The following C1QA variants were observed in gnomAD, a reference collection of about 807,000 sequenced individuals.
C1QA encodes the protein complement C1q subcomponent subunit A.
C1QA carries 3 observed loss-of-function variants against 6.9 expected under a neutral mutation model. That is an observed-to-expected ratio of 0.44 (90% CI 0.20 to 1.12). The LOEUF (loss-of-function observed/expected upper bound fraction) is 1.12. Among genes scored for constraint, C1QA ranks in the 50% most tolerant of loss-of-function variants. The probability of loss-of-function intolerance (pLI) is 0.27; values close to 1 mark genes in which losing one functional copy is unlikely to be tolerated. For missense variants in C1QA, 273 were observed against 326.6 expected (o/e 0.84, Z 1.26); for synonymous variants, 128 against 134.1 (o/e 0.95, Z 0.31).
In C1QA at chr1:22,639,468, G is replaced by T; in HGVS notation, c.*61G>T. On this transcript the variant is annotated 3_prime_UTR_variant, in exon 3 of 3. Transcript: ENST00000374642. This position sits in a 1 kb window ranked among gnomAD's most constrained non-coding sequence, Gnocchi z 4.6. The stretch of plus-strand genomic sequence containing the variant: ...GGCTTCCATGCTCCGCCTGTAAAAT[G>T]GGGGCGCTATTGCTTCAGCTGCTGA... The T allele has an allele frequency of 6.3e-7, 1 of 1,583,070 alleles. No individual in the cohort carries two copies.
In C1QA at chr1:22,637,868, G is replaced by A; in HGVS notation, c.163+89G>A. The A allele has an allele frequency of 1.2e-5, 17 of 1,430,090 alleles. No individual in the cohort carries two copies. Among genetic ancestry groups the A allele is most frequent in the African/African-American group, 1.4e-5 (1 of 70,736 alleles). 88.6% of individuals were successfully genotyped at this position (1,430,090 alleles called of 1,614,324 possible). On this transcript the variant is annotated intron_variant, in intron 2 of 2. Transcript: ENST00000374642. The surrounding 1 kb of genome is among the most constrained non-coding windows in gnomAD (Gnocchi z 4.4). ...GGCTTGGGGTGGCACTGAGAATCAG[G>A]AGTCCGTCTGCCCCCAGTGCCCCAT...
chr1:22,639,486 G>A lies in C1QA; in HGVS notation c.*79G>A. ...GTAAAATGGGGGCGCTATTGCTTCA[G>A]CTGCTGAAGGGAGGGGGCTGGCTCT... On this transcript the variant is annotated 3_prime_UTR_variant, in exon 3 of 3. Coordinates refer to ENST00000374642, the MANE Select transcript of C1QA (RefSeq NM_015991.4). This position sits in a 1 kb window ranked among gnomAD's most constrained non-coding sequence, Gnocchi z 4.6. 6.6e-7 allele frequency: 1 copy of A among 1,525,612 alleles called. No homozygotes were observed. Among genetic ancestry groups the A allele is most frequent in the Non-Finnish European group, 8.9e-7 (1 of 1,122,222 alleles). The allele number at this position is 1,525,612 out of a possible 1,614,324, so 94.5% of individuals were successfully genotyped here. A position where few individuals can be genotyped will look rare whatever the true frequency, so the allele number is the denominator to read the frequency against.
intron 2 of C1QA, among the ~76,000 whole-genome samples, chr1:22,638,510 C>T (rs12740591): frequency 0.036 from 5,519 of 152,280 alleles, 134 homozygotes; most frequent in Non-Finnish European, 0.055. Flanking sequence ...GAACCTGAAG[C>T]CAAGTCAAGG....
chr1:22,637,678 T>C lies in C1QA; in HGVS notation c.62T>C (p.Val21Ala). The C allele has an allele frequency of 6.2e-7, 1 of 1,613,912 alleles. No homozygotes were observed. Among genetic ancestry groups the C allele is most frequent in the East Asian group, 2.2e-5 (1 of 44,862 alleles). Residue 21 changes from valine to alanine, a missense_variant, in exon 2 of 3, where the codon GTG becomes GCG. Coordinates refer to ENST00000374642, the MANE Select transcript of C1QA (RefSeq NM_015991.4). This position sits in a 1 kb window ranked among gnomAD's most constrained non-coding sequence, Gnocchi z 4.4. ...CVLAISLASM[V>A]TEDLCRAPDG... ...CTGGCCATATCGCTGGCCTCTATGG[T>C]GACCGAGGACTTGTGCCGAGCACCA...
In C1QA at chr1:22,639,038, C is replaced by G; in HGVS notation, c.369C>G (p.Asn123Lys). The G allele has an allele frequency of 6.2e-7, 1 of 1,614,170 alleles. No individual in the cohort carries two copies. Among genetic ancestry groups the G allele is most frequent in the Non-Finnish European group, 8.5e-7 (1 of 1,180,008 alleles). The change falls in exon 3 of 3, where the codon AAC (asparagine) becomes AAG (lysine). Residue 123 changes from asparagine to lysine, a missense_variant. Asn to Lys is a moderately conservative substitution (Grantham distance 94, BLOSUM62 0). Transcript: ENST00000374642. This position sits in a 1 kb window ranked among gnomAD's most constrained non-coding sequence, Gnocchi z 4.6. ...PRPAFSAIRR[N>K]PPMGGNVVIF... is the part of the protein sequence containing the mutation. ...CAGCCTTCTCCGCCATTCGGCGGAA[C>G]CCCCCAATGGGGGGCAACGTGGTCA...
Position 22,637,874 on chromosome 1 carries a change from G to C in C1QA, c.163+95G>C. 7.1e-7 allele frequency: 1 copy of C among 1,414,382 alleles called. No homozygotes were observed. Among genetic ancestry groups the C allele is most frequent in the South Asian group, 1.4e-5 (1 of 72,012 alleles). 87.6% of individuals were successfully genotyped at this position (1,414,382 alleles called of 1,614,324 possible). A position where few individuals can be genotyped will look rare whatever the true frequency, so the allele number is the denominator to read the frequency against. On this transcript the variant is annotated intron_variant, in intron 2 of 2. Coordinates refer to ENST00000374642, the MANE Select transcript of C1QA (RefSeq NM_015991.4). This position sits in a 1 kb window ranked among gnomAD's most constrained non-coding sequence, Gnocchi z 4.4. ...GGGTGGCACTGAGAATCAGGAGTCC[G>C]TCTGCCCCCAGTGCCCCATGAATCC...
At position 22,639,046 on chromosome 1, in the gene C1QA, TG is replaced by T. The variant is rs2148291061; in HGVS notation, c.383del (p.Gly128AlafsTer154). On this transcript the variant is annotated frameshift_variant, in exon 3 of 3. Transcript: ENST00000374642. LOFTEE classifies it low-confidence loss of function (END_TRUNC). This position sits in a 1 kb window ranked among gnomAD's most constrained non-coding sequence, Gnocchi z 4.6. ...TCCGCCATTCGGCGGAACCCCCCAA[TG>T]GGGGGCAACGTGGTCATCTTCGACA... is the stretch of plus-strand genomic sequence containing the variant. ...AFSAIRRNPPMGGNVVIFDTV... is the reference protein window; with the variant it reads ...AFSAIRRNPPXGGNVVIFDTV... The T allele has an allele frequency of 6.2e-7, 1 of 1,614,070 alleles. No homozygotes were observed. The highest frequency in any genetic ancestry group is 1.1e-5 in the South Asian group (1 of 91,080).
At chr1:22,638,800 C>G (rs1167618493) in intron 2 of C1QA, 33 bp from the exon 3 acceptor site, 5 of 1,553,920 alleles carry the variant, frequency 3.2e-6, no homozygotes, top group Non-Finnish European at 4.4e-6. Flanking sequence ...AGGCATTGGA[C>G]TCTCACTTCC....
rs1208255819 is a variant in C1QA, at chr1:22,637,582, C to T, written c.-7-28C>T. The T allele has an allele frequency of 2.5e-6, 4 of 1,612,568 alleles. No homozygotes were observed. Among genetic ancestry groups the T allele is most frequent in the Non-Finnish European group, 3.4e-6 (4 of 1,179,488 alleles). ...GCTGGGTGTGAGTGTGATGTCCAAC[C>T]TGCCCAGGCCCTCCCGTGTCTCCAC... On this transcript the variant is annotated intron_variant, in intron 1 of 2. Transcript: ENST00000374642. The surrounding 1 kb of genome is among the most constrained non-coding windows in gnomAD (Gnocchi z 4.4).
rs17880932 is a variant in C1QA at position 22,637,099 on chromosome 1, A to T, written c.-8+397A>T. On this transcript the variant is annotated intron_variant, in intron 1 of 2. Coordinates refer to ENST00000374642, the MANE Select transcript of C1QA (RefSeq NM_015991.4). The surrounding 1 kb of genome is among the most constrained non-coding windows in gnomAD (Gnocchi z 4.4). ...CTGAAAGGCGCTGAGCATGCAGAAGAGTGAGCAGGTGTCGCTTTGGGCGTT... is the reference window on the plus strand; with the variant it reads ...CTGAAAGGCGCTGAGCATGCAGAAGTGTGAGCAGGTGTCGCTTTGGGCGTT... Among the ~76,000 whole-genome samples the T allele has an allele frequency of 3.6e-3, 552 of 152,254 alleles. 2 individuals are homozygous for T. Among genetic ancestry groups the T allele is most frequent in the African/African-American group, 0.012 (506 of 41,538 alleles).
Position 22,638,935 on chromosome 1 carries a change from GC to G in C1QA, c.271del (p.Leu91SerfsTer191). 2 of 1,598,570 alleles carry G rather than the reference GC, an allele frequency of 1.3e-6. No homozygotes were observed. Among genetic ancestry groups the G allele is most frequent in the Non-Finnish European group, 1.7e-6 (2 of 1,172,994 alleles). On this transcript the variant is annotated frameshift_variant, in exon 3 of 3. Coordinates refer to ENST00000374642, the MANE Select transcript of C1QA (RefSeq NM_015991.4). LOFTEE classifies it low-confidence loss of function (END_TRUNC). ...PGKVGYPGPS[G>X]PLGARGIPGI... ...AAGGTGGGCTACCCAGGGCCCAGCG[GC>G]CCCCTCGGAGCCCGTGGCATCCCGG...
rs887325612 is a variant in C1QA, at chr1:22,637,949, G to C, written c.163+170G>C. Among the ~76,000 whole-genome samples, 1 of 152,188 alleles carries C rather than the reference G, an allele frequency of 6.6e-6. No individual in the cohort carries two copies. The highest frequency in any genetic ancestry group is 2.4e-5 in the African/African-American group (1 of 41,438). ...GGGCTAAGGGAGGCCTAGCCTTCTC[G>C]GGCCATGTCCTCAGGCCTCTCCACT... is the stretch of plus-strand genomic sequence containing the variant. On this transcript the variant is annotated intron_variant, in intron 2 of 2. Transcript: ENST00000374642. This position sits in a 1 kb window ranked among gnomAD's most constrained non-coding sequence, Gnocchi z 4.4.
chr1:22,637,767 C>CCGGGTAAGCA lies in C1QA; in HGVS notation c.151_152insCGGGTAAGCA (p.Gln51ProfsTer20), dbSNP rs1414092978. 6 of 1,586,268 alleles carry CCGGGTAAGCA rather than the reference C, an allele frequency of 3.8e-6. No homozygotes were observed. The Admixed American group carries it at 1.1e-4, about 29-fold the overall frequency. On this transcript the variant is annotated frameshift_variant, in exon 2 of 3. Transcript: ENST00000374642. LOFTEE classifies it low-confidence loss of function (END_TRUNC). The surrounding 1 kb of genome is among the most constrained non-coding windows in gnomAD (Gnocchi z 4.4). ...GGGGCGGCCAGGCCTCAAGGGGGAG[C>CCGGGTAAGCA]AAGGGGAGCCGGGTAAGCACCCTTC...
At position 22,639,432 on chromosome 1, in the gene C1QA, C is replaced by T. The variant is rs779842833; in HGVS notation, c.*25C>T. ...AGCCAGGGAAGGACCCCCTCCCCCACCCACCTCTCTGGCTTCCATGCTCCG... is the reference window on the plus strand; with the variant it reads ...AGCCAGGGAAGGACCCCCTCCCCCATCCACCTCTCTGGCTTCCATGCTCCG... On this transcript the variant is annotated 3_prime_UTR_variant, in exon 3 of 3. Coordinates refer to ENST00000374642, the MANE Select transcript of C1QA (RefSeq NM_015991.4). This position sits in a 1 kb window ranked among gnomAD's most constrained non-coding sequence, Gnocchi z 4.6. The T allele has an allele frequency of 2.5e-6, 4 of 1,608,756 alleles. No individual in the cohort carries two copies. In the South Asian group the frequency reaches 4.4e-5, roughly 18 times the overall value.
Position 22,639,508 on chromosome 1 carries a change from C to A in C1QA, c.*101C>A. The A allele has an allele frequency of 7.2e-7, 1 of 1,385,584 alleles. No individual in the cohort carries two copies. Among genetic ancestry groups the A allele is most frequent in the Non-Finnish European group, 9.9e-7 (1 of 1,005,264 alleles). The allele number at this position is 1,385,584 out of a possible 1,614,324, so 85.8% of individuals were successfully genotyped here. On this transcript the variant is annotated 3_prime_UTR_variant, in exon 3 of 3. Coordinates refer to ENST00000374642, the MANE Select transcript of C1QA (RefSeq NM_015991.4). The surrounding 1 kb of genome is among the most constrained non-coding windows in gnomAD (Gnocchi z 4.6). ...TCAGCTGCTGAAGGGAGGGGGCTGG[C>A]TCTGAGAGCCCCAGGACTGGCTGCC...
At position 22,639,052 on chromosome 1, in the gene C1QA, G is replaced by T. The variant is rs1642226472; in HGVS notation, c.383G>T (p.Gly128Val). 1.2e-6 allele frequency: 2 copies of T among 1,614,256 alleles called. No individual in the cohort carries two copies. Among genetic ancestry groups the T allele is most frequent in the Non-Finnish European group, 1.7e-6 (2 of 1,180,054 alleles). ...SAIRRNPPMG[G>V]NVVIFDTVIT... is the part of the protein sequence containing the mutation. ...ATTCGGCGGAACCCCCCAATGGGGG[G>T]CAACGTGGTCATCTTCGACACGGTC... Residue 128 changes from glycine to valine, a missense_variant, in exon 3 of 3, where the codon GGC (glycine) becomes GTC (valine). Coordinates refer to ENST00000374642, the MANE Select transcript of C1QA (RefSeq NM_015991.4). This position sits in a 1 kb window ranked among gnomAD's most constrained non-coding sequence, Gnocchi z 4.6.
chr1:22,637,445 C>T lies in C1QA; in HGVS notation c.-7-165C>T, dbSNP rs569738031. 33 of 777,450 alleles carry T rather than the reference C, an allele frequency of 4.2e-5. No homozygotes were observed. Among genetic ancestry groups the T allele is most frequent in the South Asian group, 2.2e-4 (13 of 59,594 alleles). 48.2% of individuals were successfully genotyped at this position (777,450 alleles called of 1,614,324 possible). A position where few individuals can be genotyped will look rare whatever the true frequency, so the allele number is the denominator to read the frequency against. On this transcript the variant is annotated intron_variant, in intron 1 of 2. Transcript: ENST00000374642. This position sits in a 1 kb window ranked among gnomAD's most constrained non-coding sequence, Gnocchi z 4.4. ...GTGAGTTTGTGGTTCTGTGTATATG[C>T]GTGGGGTCCTGGGGCTGGATTGAGA...
intron 2 of C1QA, among the ~76,000 whole-genome samples, chr1:22,638,207 G>A (rs1642211263): frequency 6.6e-6 from 1 of 152,124 alleles, no homozygotes; most frequent in South Asian, 2.1e-4. Context: ...TCTGTAAAAT[G>A]GAAAAATAAC....
intron 2 of C1QA, among the ~76,000 whole-genome samples, chr1:22,638,019 C>T (rs1468979039): frequency 1.3e-5 from 2 of 152,210 alleles, no homozygotes; most frequent in Non-Finnish European, 2.9e-5. Flanking sequence ...TCACCTTCCC[C>T]CTCTGGAGAA....
Sources: gnomAD v4.1 joint callset for allele counts (sites outside exome capture counted in the v4.1 genomes callset) on GRCh38, gnomAD v4.1.1 for gene constraint, Gnocchi (gnomAD v3.1) non-coding constraint, MANE v1.5 for transcripts, NCBI Gene and HGNC (gene_info 2026-07-23, HGNC 2026-07-21) for gene names.